Variants in CHL1 observed in about 807,000 individuals in gnomAD.
CHL1 encodes the protein neural cell adhesion molecule L1-like protein.
In CHL1, 96 loss-of-function variants were observed where a neutral mutation model predicts 141.9. The ratio of observed to expected loss-of-function variants is 0.68; its 90% CI spans 0.57 to 0.80. CHL1 has a LOEUF of 0.80. CHL1 is among the 30% of genes least tolerant of loss of function. CHL1 has a pLI of 0.00. For synonymous variants in CHL1, 613 were observed against 502.2 expected (o/e 1.22, Z -2.95); for missense variants, 1,820 against 1,457.2 (o/e 1.25, Z -4.05).
At chr3:316,527 C>G (rs375191628) in intron 2 of CHL1, among the ~76,000 whole-genome samples, 1 of 151,878 alleles carries the variant, frequency 6.6e-6, no homozygotes, top group Non-Finnish European at 1.5e-5. Flanking sequence ...ACCCAGTTTA[C>G]CCAGATTCAT....
intron 1 of CHL1, among the ~76,000 whole-genome samples, chr3:244,304 C>G (rs1692951596): frequency 6.6e-6 from 1 of 152,154 alleles, no homozygotes; most frequent in Non-Finnish European, 1.5e-5. Context: ...CAGTTGTGGT[C>G]TGTTGCAAAA....
intron 3 of CHL1, among the ~76,000 whole-genome samples, chr3:323,502 T>C (rs1288146266): frequency 6.6e-6 from 1 of 152,140 alleles, no homozygotes; most frequent in African/African-American, 2.4e-5. Context: ...TGGTACACAG[T>C]ATGAAAAGTT....
intron 11 of CHL1, among the ~76,000 whole-genome samples, chr3:355,211 G>GA (rs1394743485): frequency 6.6e-5 from 10 of 152,098 alleles, no homozygotes; most frequent in Non-Finnish European, 1.0e-4. Flanking sequence ...GACTTGCTCT[G>GA]ATCACCCTCT....
At chr3:206,174 G>C (rs993290106) in intron 1 of CHL1, among the ~76,000 whole-genome samples, 3 of 152,288 alleles carry the variant, frequency 2.0e-5, no homozygotes, top group South Asian at 2.1e-4. Flanking sequence ...TTAAATATGA[G>C]GTTTTAAAAC....
intron 9 of CHL1, among the ~76,000 whole-genome samples, chr3:348,333 T>C (rs1702943040): frequency 6.6e-6 from 1 of 152,168 alleles, no homozygotes; most frequent in Non-Finnish European, 1.5e-5. Flanking sequence ...CTACAGCTAC[T>C]AATAACAAGA....
intron 2 of CHL1, among the ~76,000 whole-genome samples, chr3:264,101 T>G (rs1694967163): frequency 6.6e-6 from 1 of 152,332 alleles, no homozygotes; most frequent in South Asian, 2.1e-4. Flanking sequence ...CATTTAGACT[T>G]TACTGTAAGG....
At chr3:230,380 C>T (rs769523779) in intron 1 of CHL1, among the ~76,000 whole-genome samples, 7 of 152,192 alleles carry the variant, frequency 4.6e-5, no homozygotes, top group Non-Finnish European at 8.8e-5. Flanking sequence ...AGCCTGTTCA[C>T]ACATTCATAA....
rs199636638 is a variant in CHL1, at chr3:349,491, A to G, written c.981A>G (p.Thr327=). The change falls in exon 10 of 28, where the codon ACA becomes ACG. Residue 327 remains threonine (T), a synonymous_variant. Coordinates refer to ENST00000256509, the MANE Select transcript of CHL1 (RefSeq NM_006614.4). ...SYQDKGNYRC[T]ASNFLGTATH... ...AGGACAAAGGAAATTATCGCTGCAC[A>G]GCCAGCAATTTCTTGGGAACAGCCA... is the stretch of plus-strand genomic sequence containing the variant. 5.6e-6 allele frequency: 9 copies of G among 1,614,026 alleles called. No individual in the cohort carries two copies. Among genetic ancestry groups the G allele is most frequent in the East Asian group, 2.2e-5 (1 of 44,876 alleles).
chr3:363,404 CT>C, intron 14 of CHL1, 21 bp downstream of exon 14: 1 of 1,597,554 alleles, frequency 6.3e-7, no homozygotes, highest in Non-Finnish European at 8.5e-7. Context: ...TTCACTGTTA[CT>C]TTGCATGAAT....
At chr3:261,161 A>G (rs1283311325) in intron 2 of CHL1, among the ~76,000 whole-genome samples, 1 of 152,208 alleles carries the variant, frequency 6.6e-6, no homozygotes, top group African/African-American at 2.4e-5. Flanking sequence ...AAGACTGTGT[A>G]ACCCAAGTGT....
At chr3:245,788 T>A (rs1693106314) in intron 2 of CHL1, among the ~76,000 whole-genome samples, 1 of 152,098 alleles carries the variant, frequency 6.6e-6, no homozygotes, top group African/African-American at 2.4e-5. Context: ...CCAGCGGCCT[T>A]CTAAATGAAT....
intron 2 of CHL1, among the ~76,000 whole-genome samples, chr3:316,077 T>C (rs1455079142): frequency 6.6e-6 from 1 of 152,024 alleles, no homozygotes; most frequent in African/African-American, 2.4e-5. Context: ...CCTACTCTTA[T>C]TACCCTAATC....
intron 2 of CHL1, among the ~76,000 whole-genome samples, chr3:298,082 C>T (rs1389368540): frequency 6.6e-6 from 1 of 152,150 alleles, no homozygotes; most frequent in Non-Finnish European, 1.5e-5. Context: ...CCAGTCTTTT[C>T]ACTATTTTCA....
At chr3:315,700 C>T (rs1700105960) in intron 2 of CHL1, among the ~76,000 whole-genome samples, 1 of 152,050 alleles carries the variant, frequency 6.6e-6, no homozygotes, top group Non-Finnish European at 1.5e-5. Flanking sequence ...ATTCTTAATT[C>T]TTATCCCACT....
At chr3:242,070 A>G (rs900620567) in intron 1 of CHL1, among the ~76,000 whole-genome samples, 1 of 152,206 alleles carries the variant, frequency 6.6e-6, no homozygotes, top group African/African-American at 2.4e-5. Flanking sequence ...CACTATATGT[A>G]TATCCTAAAT....
At chr3:218,024 G>C (rs987910421) in intron 1 of CHL1, among the ~76,000 whole-genome samples, 1 of 152,136 alleles carries the variant, frequency 6.6e-6, no homozygotes, top group African/African-American at 2.4e-5. Context: ...GATGATATGG[G>C]TGCTTTGGGG....
chr3:389,987 A>G (rs571674005), intron 20 of CHL1, among the ~76,000 whole-genome samples: 2 of 152,306 alleles, frequency 1.3e-5, no homozygotes, highest in East Asian at 3.9e-4. Context: ...TTGGAAGAAG[A>G]AAAAAACACT....
At chr3:318,078 C>T (rs1194893213) in intron 2 of CHL1, among the ~76,000 whole-genome samples, 1 of 151,778 alleles carries the variant, frequency 6.6e-6, no homozygotes, top group East Asian at 1.9e-4. Flanking sequence ...GACAAAGATT[C>T]ACAACTTTTT....
intron 24 of CHL1, among the ~76,000 whole-genome samples, chr3:396,747 C>T (rs1708705363): frequency 6.6e-6 from 1 of 152,068 alleles, no homozygotes; most frequent in Non-Finnish European, 1.5e-5. Flanking sequence ...AGCTAACTGC[C>T]CCCTTCCCGA....
Sources: gnomAD v4.1 joint callset for allele counts (sites outside exome capture counted in the v4.1 genomes callset) on GRCh38, gnomAD v4.1.1 for gene constraint, MANE v1.5 for transcripts, NCBI Gene and HGNC (gene_info 2026-07-23, HGNC 2026-07-21) for gene names.